AFF2: variants seen among roughly 807,000 people sequenced by gnomAD.
The protein encoded by AFF2 is ALF transcription elongation factor 2, also known as AF4/FMR2 family member 2.
In AFF2, 14 loss-of-function variants were observed where a neutral mutation model predicts 76.9. The ratio of observed to expected loss-of-function variants is 0.18; its 90% CI spans 0.12 to 0.28. AFF2 has a LOEUF of 0.28. Ranked by LOEUF, AFF2 falls within the 10% of genes least tolerant of loss-of-function variation. The pLI is 1.00. For missense variants in AFF2, 868 were observed against 1,001.1 expected (o/e 0.87, Z 1.79); for synonymous variants, 398 against 366.7 (o/e 1.09, Z -0.98).
At chrX:148,623,814 A>G (rs1476107751) in intron 1 of AFF2, among the ~76,000 whole-genome samples, 1 of 110,856 alleles carries the variant, frequency 9.0e-6, no homozygotes, top group Non-Finnish European at 1.9e-5. Context: ...GCAACTCCAG[A>G]TTCATAGTCC....
intron 3 of AFF2, among the ~76,000 whole-genome samples, chrX:148,713,032 A>G (rs2051747533): frequency 1.8e-5 from 2 of 111,541 alleles, no homozygotes; most frequent in Non-Finnish European, 1.9e-5. Context: ...CATTTGAACA[A>G]AGACTTGAAG....
At chrX:148,891,362 T>A (rs1230979854) in intron 8 of AFF2, among the ~76,000 whole-genome samples, 1 of 112,089 alleles carries the variant, frequency 8.9e-6, no homozygotes, top group Non-Finnish European at 1.9e-5. Context: ...CATTTACAGC[T>A]GAGAAGCAGT....
chrX:148,654,679 A>G (rs1557256811), intron 2 of AFF2, among the ~76,000 whole-genome samples: 1 of 109,337 alleles, frequency 9.1e-6, no homozygotes, highest in Non-Finnish European at 1.9e-5. Context: ...TTGAGGAATC[A>G]TGAGCTATAG....
chrX:148,652,239 T>C, intron 2 of AFF2, 108 bp downstream of exon 2: 1 of 632,190 alleles, frequency 1.6e-6, no homozygotes, highest in Non-Finnish European at 2.4e-6. Flanking sequence ...GGGGAATATA[T>C]TTTACAAGTG....
At chrX:148,512,843 T>A (rs782602234) in intron 1 of AFF2, among the ~76,000 whole-genome samples, 2 of 112,327 alleles carry the variant, frequency 1.8e-5, no homozygotes, top group South Asian at 3.7e-4. Context: ...CTTTGTAGTT[T>A]ATTCCTATCC....
At chrX:148,942,439 C>T (rs2071847712) in intron 9 of AFF2, among the ~76,000 whole-genome samples, 1 of 111,361 alleles carries the variant, frequency 9.0e-6, no homozygotes, top group Admixed American at 9.6e-5. Flanking sequence ...TCTCATGATA[C>T]AACATATTGT....
intron 1 of AFF2, among the ~76,000 whole-genome samples, chrX:148,530,836 G>A (rs2052721380): frequency 9.0e-6 from 1 of 111,668 alleles, no homozygotes; most frequent in South Asian, 3.7e-4. Flanking sequence ...TCTTGAGAGA[G>A]AATTGAAAGC....
intron 1 of AFF2, among the ~76,000 whole-genome samples, chrX:148,627,723 G>A (rs2053940892): frequency 8.9e-6 from 1 of 111,837 alleles, no homozygotes; most frequent in Admixed American, 9.5e-5. Context: ...ATGCCCATAT[G>A]TCATGTCTGT....
intron 3 of AFF2, among the ~76,000 whole-genome samples, chrX:148,807,309 C>A (rs781934600): frequency 8.9e-6 from 1 of 112,070 alleles, no homozygotes; most frequent in Non-Finnish European, 1.9e-5. Context: ...GTAAGGAGAA[C>A]AACAGGACAA....
rs199578715 is a variant in AFF2 at position 148,536,094 on chromosome X, CT to C, written c.47+34951del. ...ATTAGCCGGGCATGGTGGTGCGCCC[CT>C]GCTACTCGGGAGGCTGAGGCAAGAG... is the stretch of plus-strand genomic sequence containing the variant. On this transcript the variant is annotated intron_variant, in intron 1 of 20. Coordinates refer to ENST00000370460, the MANE Select transcript of AFF2 (RefSeq NM_002025.4). 8.2e-3 allele frequency among the ~76,000 whole-genome samples: 900 copies of C among 109,992 alleles called. 4 individuals are homozygous for C. The highest frequency in any genetic ancestry group is 0.019 in the Middle Eastern group (4 of 214).
At position 148,997,284 on chromosome X, in the gene AFF2, T is replaced by TACACACACACAC. The variant is rs781923309; in HGVS notation, c.*5957_*5968dup. The TACACACACACAC allele has an allele frequency of 9.4e-6, 1 of 106,441 alleles. No homozygotes were observed. 8.8% of individuals were successfully genotyped at this position (106,441 alleles called of 1,213,427 possible). A position where few individuals can be genotyped will look rare whatever the true frequency, so the allele number is the denominator to read the frequency against. On this transcript the variant is annotated 3_prime_UTR_variant, in exon 21 of 21. Coordinates refer to ENST00000370460, the MANE Select transcript of AFF2 (RefSeq NM_002025.4). ...AGTATATAATGAGGCTTTCATTAAA[T>TACACACACACAC]ACACACACACACACACTCACACACA...
chrX:148,762,745 G>A (rs2069467443), intron 3 of AFF2, among the ~76,000 whole-genome samples: 1 of 110,761 alleles, frequency 9.0e-6, no homozygotes, highest in Admixed American at 9.7e-5. Context: ...GGCTGCTAGG[G>A]AACTGACTGC....
intron 3 of AFF2, among the ~76,000 whole-genome samples, chrX:148,666,674 A>G (rs139339760): frequency 0.016 from 1,762 of 111,622 alleles, 33 homozygotes; most frequent in African/African-American, 0.054. Flanking sequence ...CCTGGCAACA[A>G]CAACAACAAA....
intron 3 of AFF2, among the ~76,000 whole-genome samples, chrX:148,737,297 A>C (rs1277101302): frequency 9.0e-6 from 1 of 111,485 alleles, no homozygotes; most frequent in Non-Finnish European, 1.9e-5. Flanking sequence ...TTCTTTCAAC[A>C]GTGTTTTGTA....
intron 1 of AFF2, among the ~76,000 whole-genome samples, chrX:148,546,186 C>G (rs1472354557): frequency 2.7e-5 from 3 of 111,668 alleles, no homozygotes; most frequent in Non-Finnish European, 5.6e-5. Flanking sequence ...GAATCTTTTT[C>G]TTCCCTACAG....
chrX:148,933,988 T>C (rs1458854223), intron 9 of AFF2, among the ~76,000 whole-genome samples: 3 of 111,904 alleles, frequency 2.7e-5, no homozygotes, highest in African/African-American at 9.8e-5. Context: ...TCAGTGGTTC[T>C]CAAACTTGGA....
At chrX:148,773,732 AAG>A (rs1286673819) in intron 3 of AFF2, among the ~76,000 whole-genome samples, 2 of 107,827 alleles carry the variant, frequency 1.9e-5, no homozygotes, top group African/African-American at 3.4e-5. Flanking sequence ...GAAAGAAAGA[AAG>A]AAAGAAAGAA....
At chrX:148,948,049 A>G (rs1415324637) in intron 9 of AFF2, among the ~76,000 whole-genome samples, 1 of 112,363 alleles carries the variant, frequency 8.9e-6, no homozygotes, top group Non-Finnish European at 1.9e-5. Context: ...TTTCCTATAC[A>G]TAGTCTGGAT....
chrX:148,552,232 G>T (rs782256531), intron 1 of AFF2, among the ~76,000 whole-genome samples: 1 of 111,917 alleles, frequency 8.9e-6, no homozygotes, highest in Non-Finnish European at 1.9e-5. Context: ...CATACTTGAG[G>T]GTGGTCTTGG....
Sources: allele counts gnomAD v4.1 joint callset (sites outside exome capture counted in the v4.1 genomes callset), GRCh38; gene constraint gnomAD v4.1.1; transcripts MANE v1.5; gene names NCBI Gene and HGNC (gene_info 2026-07-23, HGNC 2026-07-21).